Variants in MAGI3 observed in about 807,000 individuals in gnomAD.
MAGI3 encodes the protein membrane associated guanylate kinase, WW and PDZ domain containing 3, also known as membrane-associated guanylate kinase, WW and PDZ domain-containing protein 3.
MAGI3 carries 43 observed loss-of-function variants against 121.8 expected under a neutral mutation model. The observed-to-expected ratio is 0.35, with a 90% CI of 0.28 to 0.46. The LOEUF (loss-of-function observed/expected upper bound fraction) is 0.46. MAGI3 is among the 20% of genes least tolerant of loss of function. The probability of loss-of-function intolerance (pLI) is 1.00; values close to 1 mark genes in which losing one functional copy is unlikely to be tolerated. For synonymous variants in MAGI3, 553 were observed against 639.3 expected (o/e 0.86, Z 2.04); for missense variants, 1,547 against 1,797.3 (o/e 0.86, Z 2.52).
chr1:113,423,264 G>C (rs542584042), intron 1 of MAGI3, among the ~76,000 whole-genome samples: 4 of 148,836 alleles, frequency 2.7e-5, no homozygotes, highest in African/African-American at 4.9e-5. Flanking sequence ...TTTTTTGGGG[G>C]GGGGGTTGTT....
chr1:113,585,575 A>C lies in MAGI3; in HGVS notation c.742A>C (p.Ile248Leu), dbSNP rs745356677. The C allele has an allele frequency of 1.7e-5, 27 of 1,613,646 alleles. No individual in the cohort carries two copies. In the South Asian group the frequency reaches 2.9e-4, roughly 17 times the overall value. The change falls in exon 4 of 21, where the codon ATT (isoleucine) becomes CTT (leucine). Residue 248 changes from isoleucine to leucine, a missense_variant. Physicochemically the swap from Ile to Leu is conservative, Grantham distance 5 (BLOSUM62 2). Coordinates refer to ENST00000307546, the MANE Select transcript of MAGI3 (RefSeq NM_001142782.2). Reference protein sequence around the residue: ...EEEEDEDKEAINGSGNAENRE... With the variant: ...EEEEDEDKEALNGSGNAENRE... ...GGAAGAAGATGAGGACAAGGAAGCT[A>C]TTAATGGCAGTGGAAACGCAGGTTT...
intron 16 of MAGI3, among the ~76,000 whole-genome samples, chr1:113,666,940 A>G (rs2101011762): frequency 6.6e-6 from 1 of 152,342 alleles, no homozygotes; most frequent in Non-Finnish European, 1.5e-5. Context: ...GTCAGTAAGC[A>G]GTAATATTTT....
At chr1:113,517,818 A>G (rs980783986) in intron 1 of MAGI3, among the ~76,000 whole-genome samples, 2 of 151,970 alleles carry the variant, frequency 1.3e-5, no homozygotes, top group African/African-American at 4.8e-5. Flanking sequence ...TATCTCCTGC[A>G]TTCTCTGTCT....
chr1:113,654,475 A>G (rs2100989179), intron 15 of MAGI3, among the ~76,000 whole-genome samples: 1 of 152,344 alleles, frequency 6.6e-6, no homozygotes, highest in East Asian at 1.9e-4. Flanking sequence ...TTATTTAATA[A>G]TAATTGCCAT....
Position 113,619,826 on chromosome 1 carries a change from A to G in MAGI3, c.1167A>G (p.Lys389=). ...GACAGGTTGAAATTGGGTCTTCAAAACCAGGTAAGCATTCTTTTCAATCTT... is the reference window on the plus strand; with the variant it reads ...GACAGGTTGAAATTGGGTCTTCAAAGCCAGGTAAGCATTCTTTTCAATCTT... ...QLGQVEIGSS[K]PDMEKSHFTR... Residue 389 remains lysine, a synonymous_variant, in exon 8 of 21, where the codon AAA becomes AAG. Transcript: ENST00000307546. The G allele has an allele frequency of 6.2e-7, 1 of 1,603,794 alleles. No homozygotes were observed. The highest frequency in any genetic ancestry group is 8.5e-7 in the Non-Finnish European group (1 of 1,171,646).
chr1:113,682,100 A>G, intron 20 of MAGI3: 2 of 1,135,848 alleles, frequency 1.8e-6, no homozygotes, highest in Non-Finnish European at 2.4e-6. Flanking sequence ...TGACTGTATT[A>G]TCTTCCACCA....
intron 1 of MAGI3, among the ~76,000 whole-genome samples, chr1:113,547,405 T>C (rs967852002): frequency 6.6e-6 from 1 of 152,208 alleles, no homozygotes; most frequent in Non-Finnish European, 1.5e-5. Context: ...TCTGAAAATA[T>C]GTTGTATAGC....
chr1:113,564,694 A>G (rs561434251), intron 2 of MAGI3, among the ~76,000 whole-genome samples: 3 of 152,208 alleles, frequency 2.0e-5, no homozygotes, highest in Non-Finnish European at 4.4e-5. Context: ...ACATAGCAAG[A>G]CTGCACCTCT....
intron 9 of MAGI3, among the ~76,000 whole-genome samples, chr1:113,633,057 C>T (rs1651740985): frequency 9.8e-6 from 1 of 101,936 alleles, no homozygotes; most frequent in Non-Finnish European, 1.9e-5. Context: ...TCCCCCCTCC[C>T]CCCACCCCAC....
At chr1:113,625,624 A>T (rs1651193610) in intron 9 of MAGI3, among the ~76,000 whole-genome samples, 1 of 152,186 alleles carries the variant, frequency 6.6e-6, no homozygotes, top group South Asian at 2.1e-4. Context: ...CAAATATAAG[A>T]TCCCATCATC....
At chr1:113,557,359 A>G (rs923942936) in intron 2 of MAGI3, among the ~76,000 whole-genome samples, 1 of 149,754 alleles carries the variant, frequency 6.7e-6, no homozygotes, top group Admixed American at 6.6e-5. Flanking sequence ...GGATGACTCA[A>G]CTGTTCCAGC....
chr1:113,430,526 G>C (rs1653249763), intron 1 of MAGI3, among the ~76,000 whole-genome samples: 1 of 152,112 alleles, frequency 6.6e-6, no homozygotes, highest in Non-Finnish European at 1.5e-5. Flanking sequence ...AATTACAATA[G>C]AATTGCTGTT....
intron 2 of MAGI3, among the ~76,000 whole-genome samples, chr1:113,553,788 A>T (rs1025307677): frequency 1.1e-4 from 16 of 152,242 alleles, no homozygotes; most frequent in African/African-American, 3.9e-4. Flanking sequence ...AGGCAGGCGG[A>T]TCATGAGGTT....
chr1:113,452,216 G>T (rs1190787888), intron 1 of MAGI3, among the ~76,000 whole-genome samples: 1 of 152,008 alleles, frequency 6.6e-6, no homozygotes. Context: ...AGTAAGTCAA[G>T]GTATGTAGTA....
intron 6 of MAGI3, among the ~76,000 whole-genome samples, chr1:113,611,936 CTTATTTATTTAT>C (rs71090712): frequency 2.2e-5 from 3 of 138,874 alleles, no homozygotes; most frequent in East Asian, 2.3e-4. Flanking sequence ...CTAATCCCAA[CTTATTTATTTAT>C]TTATTTATTT....
chr1:113,481,579 A>G (rs1656115941), intron 1 of MAGI3, among the ~76,000 whole-genome samples: 3 of 152,068 alleles, frequency 2.0e-5, no homozygotes, highest in African/African-American at 7.2e-5. Context: ...TCTTTAATTT[A>G]GTGCAACTGT....
intron 1 of MAGI3, among the ~76,000 whole-genome samples, chr1:113,411,504 G>A (rs758997916): frequency 3.3e-5 from 5 of 151,686 alleles, no homozygotes; most frequent in Non-Finnish European, 7.4e-5. Context: ...GGTATATTGG[G>A]AATTACTGCC....
intron 6 of MAGI3, among the ~76,000 whole-genome samples, chr1:113,609,108 A>G (rs186802955): frequency 1.3e-5 from 2 of 152,210 alleles, no homozygotes; most frequent in East Asian, 1.9e-4. Flanking sequence ...CATTGAGTCT[A>G]TTTGTTTTAT....
intron 1 of MAGI3, among the ~76,000 whole-genome samples, chr1:113,535,130 C>A (rs2101646915): frequency 6.6e-6 from 1 of 152,198 alleles, no homozygotes; most frequent in Non-Finnish European, 1.5e-5. Flanking sequence ...AGTTATGCAG[C>A]TCTGAAATTT....
Sources: gnomAD v4.1 joint callset for allele counts (sites outside exome capture counted in the v4.1 genomes callset) on GRCh38, gnomAD v4.1.1 for gene constraint, MANE v1.5 for transcripts, NCBI Gene and HGNC (gene_info 2026-07-23, HGNC 2026-07-21) for gene names.